The following RAB11FIP4 variants were observed in gnomAD, a reference collection of about 807,000 sequenced individuals.
RAB11FIP4 encodes rab11 family-interacting protein 4.
RAB11FIP4 carries 23 observed loss-of-function variants against 74.3 expected under a neutral mutation model. The ratio of observed to expected loss-of-function variants is 0.31; its 90% CI spans 0.22 to 0.44. RAB11FIP4 has a LOEUF of 0.44. Among genes scored for constraint, RAB11FIP4 ranks in the 20% least tolerant of loss-of-function variants. The probability of loss-of-function intolerance (pLI) is 1.00; values close to 1 mark genes in which losing one functional copy is unlikely to be tolerated. For synonymous variants in RAB11FIP4, 360 were observed against 359.9 expected (o/e 1.00, Z 0.00); for missense variants, 630 against 863.9 (o/e 0.73, Z 3.39).
At chr17:31,433,648 C>T (rs987357787) in intron 2 of RAB11FIP4, among the ~76,000 whole-genome samples, 5 of 152,176 alleles carry the variant, frequency 3.3e-5, no homozygotes, top group Non-Finnish European at 7.3e-5. Flanking sequence ...ACACGGGGGG[C>T]GCCCAGCCTC....
At chr17:31,400,112 G>C (rs886493700) in intron 1 of RAB11FIP4, among the ~76,000 whole-genome samples, 2 of 152,138 alleles carry the variant, frequency 1.3e-5, no homozygotes, top group African/African-American at 4.8e-5. Context: ...CCTGCCCTGG[G>C]CACTGGGAAA....
intron 1 of RAB11FIP4, among the ~76,000 whole-genome samples, chr17:31,410,329 G>T (rs2071081180): frequency 1.3e-5 from 2 of 152,104 alleles, no homozygotes; most frequent in African/African-American, 4.8e-5. Flanking sequence ...AGGATGATGA[G>T]GATGATGATG....
chr17:31,462,739 T>C (rs1366835827), intron 3 of RAB11FIP4, among the ~76,000 whole-genome samples: 1 of 152,134 alleles, frequency 6.6e-6, no homozygotes, highest in African/African-American at 2.4e-5. Flanking sequence ...TGGGTTCAAG[T>C]GATTCTCCTG....
chr17:31,501,843 T>G (rs2072227815), intron 3 of RAB11FIP4: 1 of 159,432 alleles, frequency 6.3e-6, no homozygotes, highest in East Asian at 1.9e-4. Context: ...ATGCTGAAAG[T>G]GAAAGACAAT....
chr17:31,454,733 A>G (rs2071562603), intron 3 of RAB11FIP4, among the ~76,000 whole-genome samples: 1 of 152,166 alleles, frequency 6.6e-6, no homozygotes, highest in Admixed American at 6.5e-5. Context: ...AAAATACAAA[A>G]ATTAATCAGG....
intron 3 of RAB11FIP4, among the ~76,000 whole-genome samples, chr17:31,442,562 A>G (rs1261704776): frequency 2.0e-5 from 3 of 152,242 alleles, no homozygotes; most frequent in Non-Finnish European, 2.9e-5. Context: ...GCTGCCACAG[A>G]GGCCAAATGG....
intron 3 of RAB11FIP4, among the ~76,000 whole-genome samples, chr17:31,515,135 A>C (rs2072522831): frequency 6.6e-6 from 1 of 152,140 alleles, no homozygotes; most frequent in African/African-American, 2.4e-5. Flanking sequence ...AGGTGGGATA[A>C]TATGTGAATG....
At chr17:31,454,650 GA>G (rs2071561768) in intron 3 of RAB11FIP4, among the ~76,000 whole-genome samples, 1 of 152,038 alleles carries the variant, frequency 6.6e-6, no homozygotes, top group Non-Finnish European at 1.5e-5. Flanking sequence ...TTGGGAGGCC[GA>G]GGCAGGTGGA....
intron 3 of RAB11FIP4, among the ~76,000 whole-genome samples, chr17:31,465,130 G>A (rs1340517411): frequency 6.6e-6 from 1 of 152,054 alleles, no homozygotes; most frequent in South Asian, 2.1e-4. Flanking sequence ...TCTTACAGAT[G>A]GGGAAACAGG....
intron 3 of RAB11FIP4, among the ~76,000 whole-genome samples, chr17:31,483,285 T>A (rs575596351): frequency 6.6e-6 from 1 of 151,854 alleles, no homozygotes; most frequent in South Asian, 2.1e-4. Flanking sequence ...TGGACCAGGT[T>A]TGACTGATGC....
At chr17:31,430,518 C>T (rs1000270651) in intron 1 of RAB11FIP4, among the ~76,000 whole-genome samples, 1 of 148,290 alleles carries the variant, frequency 6.7e-6, no homozygotes, top group South Asian at 2.2e-4. Context: ...CCACGACGCC[C>T]GGCTAATTTT....
chr17:31,434,883 C>T (rs2071343869), intron 3 of RAB11FIP4, among the ~76,000 whole-genome samples: 1 of 152,220 alleles, frequency 6.6e-6, no homozygotes, highest in South Asian at 2.1e-4. Flanking sequence ...CTCTCTGCAT[C>T]TCATTGTTCA....
intron 1 of RAB11FIP4, among the ~76,000 whole-genome samples, chr17:31,401,274 TA>T (rs72391772): frequency 0.48 from 69,422 of 145,320 alleles, 18,575 homozygotes; most frequent in Non-Finnish European, 0.62. Flanking sequence ...TCTGTCTAAT[TA>T]AAAAAAAAAA....
At position 31,512,768 on chromosome 17, in the gene RAB11FIP4, G is replaced by A. The variant is rs2072475617; in HGVS notation, c.337-4883G>A. ...ACACAGCCTTTCTGTGCAAACCCTG[G>A]GAACACCAGGCCAAGCTCCAGGCCT... On this transcript the variant is annotated intron_variant, in intron 3 of 14. Transcript: ENST00000621161. The surrounding 1 kb of genome is among the most constrained non-coding windows in gnomAD (Gnocchi z 4.1). 6.6e-6 allele frequency among the ~76,000 whole-genome samples: 1 copy of A among 150,784 alleles called. No individual in the cohort carries two copies. The highest frequency in any genetic ancestry group is 2.5e-5 in the African/African-American group (1 of 40,710).
chr17:31,421,892 AT>A (rs2071203305), intron 1 of RAB11FIP4, among the ~76,000 whole-genome samples: 1 of 151,924 alleles, frequency 6.6e-6, no homozygotes, highest in African/African-American at 2.4e-5. Flanking sequence ...GTTTTTAAAA[AT>A]TTGTTGCCAG....
intron 3 of RAB11FIP4, among the ~76,000 whole-genome samples, chr17:31,466,347 T>A (rs1286355275): frequency 1.3e-5 from 2 of 152,198 alleles, no homozygotes; most frequent in African/African-American, 4.8e-5. Flanking sequence ...TTAATGTGTT[T>A]CTTCCCCTGT....
chr17:31,422,651 A>G (rs2071210860), intron 1 of RAB11FIP4, among the ~76,000 whole-genome samples: 2 of 152,126 alleles, frequency 1.3e-5, no homozygotes, highest in East Asian at 3.8e-4. Context: ...TTGTTCTATC[A>G]CTGTTTGTAC....
chr17:31,412,233 T>C (rs2071104651), intron 1 of RAB11FIP4, among the ~76,000 whole-genome samples: 1 of 152,128 alleles, frequency 6.6e-6, no homozygotes. Flanking sequence ...GGTTTTGCCA[T>C]GGAAATGGCC....
intron 5 of RAB11FIP4, 136 bp from the exon 6 acceptor site, chr17:31,521,779 A>C: frequency 4.1e-6 from 4 of 968,382 alleles, no homozygotes; most frequent in Non-Finnish European, 6.1e-6. Context: ...CTGTTGCTAT[A>C]TTTCCACTCC....
Sources: gnomAD v4.1 joint callset for allele counts (sites outside exome capture counted in the v4.1 genomes callset) on GRCh38, gnomAD v4.1.1 for gene constraint, Gnocchi (gnomAD v3.1) non-coding constraint, MANE v1.5 for transcripts, NCBI Gene and HGNC (gene_info 2026-07-23, HGNC 2026-07-21) for gene names.